Variants in PTPN11 observed in about 807,000 individuals in gnomAD.
The protein encoded by PTPN11 is protein tyrosine phosphatase non-receptor type 11, also known as tyrosine-protein phosphatase non-receptor type 11.
A neutral mutation model predicts 78.8 loss-of-function variants in PTPN11; 6 were observed. The observed-to-expected ratio is 0.08, with a 90% CI of 0.04 to 0.15. PTPN11 has a LOEUF of 0.15. Among genes scored for constraint, PTPN11 ranks in the 10% least tolerant of loss-of-function variants. PTPN11 has a pLI of 1.00. For synonymous variants in PTPN11, 221 were observed against 263.5 expected, an observed-to-expected ratio of 0.84 and a Z score of 1.56; for missense variants, 386 against 744.8, an observed-to-expected ratio of 0.52 and a Z score of 5.61.
At position 112,477,951 on chromosome 12, in the gene PTPN11, G is replaced by A. The variant is rs535800148; in HGVS notation, c.1028G>A (p.Arg343Gln). The A allele has an allele frequency of 6.8e-5, 110 of 1,614,142 alleles. 1 individual carries two copies. The South Asian group carries it at 1.0e-3, about 15-fold the overall frequency. The change falls in exon 9 of 16, where the codon CGG (arginine) becomes CAG (glutamine). Residue 343 changes from arginine to glutamine, a missense_variant. Transcript: ENST00000351677. ...CAAAACACGGTGAATGACTTTTGGC[G>A]GATGGTGTTCCAAGAAAACTCCCGA... is the stretch of plus-strand genomic sequence containing the variant. ...CLQNTVNDFW[R>Q]MVFQENSRVI...
chr12:112,500,440 TAA>T (rs1333799304), intron 13 of PTPN11, among the ~76,000 whole-genome samples: 1 of 152,204 alleles, frequency 6.6e-6, no homozygotes, highest in Non-Finnish European at 1.5e-5. Flanking sequence ...TTCAAAAAAT[TAA>T]AATAGTATAT....
intron 6 of PTPN11, among the ~76,000 whole-genome samples, chr12:112,461,742 A>G (rs968040573): frequency 6.6e-6 from 1 of 152,160 alleles, no homozygotes; most frequent in Non-Finnish European, 1.5e-5. Flanking sequence ...TGCTGGGATT[A>G]TAGGTGTACT....
At chr12:112,479,523 T>C (rs2038561391) in intron 9 of PTPN11, among the ~76,000 whole-genome samples, 1 of 152,232 alleles carries the variant, frequency 6.6e-6, no homozygotes, top group Non-Finnish European at 1.5e-5. Flanking sequence ...TGAGGCCAGT[T>C]CTGGTCATCG....
chr12:112,456,003 A>G lies in PTPN11; in HGVS notation c.696A>G (p.Glu232=). The G allele has an allele frequency of 6.2e-7, 1 of 1,613,542 alleles. No homozygotes were observed. Among genetic ancestry groups the G allele is most frequent in the Middle Eastern group, 1.7e-4 (1 of 5,938 alleles). The change falls in exon 6 of 16, where the codon GAA becomes GAG. Residue 232 remains glutamate (E), a synonymous_variant. Coordinates refer to ENST00000351677, the MANE Select transcript of PTPN11 (RefSeq NM_002834.5). ...NAAEIESRVR[E]LSKLAETTDK... is the part of the protein sequence containing the mutation. ...CTGAAATAGAAAGCAGAGTTCGAGA[A>G]CTAAGCAAATTAGCTGAGACCACAG...
At chr12:112,450,750 C>T (rs2038068519) in intron 3 of PTPN11, among the ~76,000 whole-genome samples, 1 of 152,170 alleles carries the variant, frequency 6.6e-6, no homozygotes, top group African/African-American at 2.4e-5. Context: ...GGTTGCATAC[C>T]ATTCCTGCAT....
rs138731563 is a variant in PTPN11 at position 112,500,920 on chromosome 12, C to T, written c.1600-1224C>T. Among the ~76,000 whole-genome samples, 12 of 151,822 alleles carry T rather than the reference C, an allele frequency of 7.9e-5. No individual in the cohort carries two copies. In the East Asian group the frequency reaches 2.3e-3, roughly 30 times the overall value. On this transcript the variant is annotated intron_variant, in intron 13 of 15. Transcript: ENST00000351677. Reference sequence around the variant, plus strand: ...TTTTTTATTTTTTAGAGATGGGTCTCGCTTTTTAGAGATGGGTCTTGTTGC... The same window carrying T: ...TTTTTTATTTTTTAGAGATGGGTCTTGCTTTTTAGAGATGGGTCTTGTTGC...
intron 6 of PTPN11, among the ~76,000 whole-genome samples, chr12:112,469,077 A>G (rs148688507): frequency 2.0e-5 from 3 of 152,238 alleles, no homozygotes; most frequent in Non-Finnish European, 2.9e-5. Context: ...AACAAAAAAA[A>G]AGATTAAGGG....
chr12:112,438,505 G>A (rs1263123064), intron 1 of PTPN11, among the ~76,000 whole-genome samples: 2 of 150,500 alleles, frequency 1.3e-5, no homozygotes, highest in Admixed American at 6.6e-5. Flanking sequence ...TTTTTGAGAC[G>A]AAGTCTTGCT....
intron 13 of PTPN11, among the ~76,000 whole-genome samples, chr12:112,495,825 G>A (rs1428654043): frequency 6.6e-6 from 1 of 152,116 alleles, no homozygotes; most frequent in Non-Finnish European, 1.5e-5. Context: ...TATGTAATGT[G>A]TTGAGTACTG....
At chr12:112,441,138 A>G (rs2037883648) in intron 1 of PTPN11, among the ~76,000 whole-genome samples, 1 of 150,430 alleles carries the variant, frequency 6.6e-6, no homozygotes. Flanking sequence ...CTGATTTTGT[A>G]TTTTTAGTAG....
intron 1 of PTPN11, among the ~76,000 whole-genome samples, chr12:112,426,250 T>C (rs1481331054): frequency 6.6e-6 from 1 of 152,202 alleles, no homozygotes. Context: ...TAGTTCAGGT[T>C]TGTAAACTCT....
chr12:112,493,501 AC>A (rs1486638035), intron 13 of PTPN11, among the ~76,000 whole-genome samples: 2 of 145,148 alleles, frequency 1.4e-5, no homozygotes, highest in Non-Finnish European at 3.0e-5. Flanking sequence ...TGCTTCTCCC[AC>A]CTCAGCCTCC....
At chr12:112,446,856 G>A (rs767839857) in intron 2 of PTPN11, among the ~76,000 whole-genome samples, 30 of 151,958 alleles carry the variant, frequency 2.0e-4, no homozygotes, top group Non-Finnish European at 3.4e-4. Context: ...TTACAGGCGT[G>A]AGCCACTATG....
At chr12:112,463,207 C>A (rs2038276036) in intron 6 of PTPN11, among the ~76,000 whole-genome samples, 1 of 150,588 alleles carries the variant, frequency 6.6e-6, no homozygotes, top group South Asian at 2.1e-4. Flanking sequence ...ATTTTTTTAA[C>A]ATTTTAAAAT....
chr12:112,503,712 C>T (rs566227016), intron 14 of PTPN11, among the ~76,000 whole-genome samples: 5 of 152,332 alleles, frequency 3.3e-5, no homozygotes, highest in African/African-American at 1.2e-4. Flanking sequence ...TCATGATTCC[C>T]TCAGTACCAG....
At chr12:112,435,324 A>G (rs1369645950) in intron 1 of PTPN11, among the ~76,000 whole-genome samples, 1 of 152,186 alleles carries the variant, frequency 6.6e-6, no homozygotes, top group African/African-American at 2.4e-5. Context: ...CCTGCCCTGT[A>G]CAAAGATCTG....
chr12:112,424,013 A>G (rs2037565802), intron 1 of PTPN11, among the ~76,000 whole-genome samples: 1 of 152,076 alleles, frequency 6.6e-6, no homozygotes, highest in African/African-American at 2.4e-5. Flanking sequence ...CGGCCTTCCA[A>G]AGTACTAGGA....
chr12:112,452,426 A>G lies in PTPN11; in HGVS notation c.333-769A>G, dbSNP rs148601443. Reference sequence around the variant, plus strand: ...TTTTTAGCAGAGACAGGGTTTCACCATGTTGGTCAGGCTGGTCTCGAATTC... The same window carrying G: ...TTTTTAGCAGAGACAGGGTTTCACCGTGTTGGTCAGGCTGGTCTCGAATTC... On this transcript the variant is annotated intron_variant, in intron 3 of 15. Transcript: ENST00000351677. Among the ~76,000 whole-genome samples, 27 of 152,098 alleles carry G rather than the reference A, an allele frequency of 1.8e-4. 1 individual carries two copies. The highest frequency in any genetic ancestry group is 5.8e-4 in the African/African-American group (24 of 41,502).
intron 10 of PTPN11, among the ~76,000 whole-genome samples, chr12:112,485,090 T>C (rs1402557278): frequency 6.6e-6 from 1 of 151,716 alleles, no homozygotes; most frequent in Admixed American, 6.6e-5. Context: ...GCGAAACTCC[T>C]TCTCTACTAA....
Sources: gnomAD v4.1 joint callset for allele counts (sites outside exome capture counted in the v4.1 genomes callset) on GRCh38, gnomAD v4.1.1 for gene constraint, MANE v1.5 for transcripts, NCBI Gene and HGNC (gene_info 2026-07-23, HGNC 2026-07-21) for gene names.